Variants in GMDS observed in about 807,000 individuals in gnomAD.
GMDS encodes GDP-mannose 4,6-dehydratase, also known as GDP-mannose 4,6 dehydratase.
Under a neutral mutation model 49.9 loss-of-function variants are expected in GMDS, and 20 were observed. The ratio of observed to expected loss-of-function variants is 0.40; its 90% CI spans 0.28 to 0.58. GMDS has a LOEUF of 0.58. Among genes scored for constraint, GMDS ranks in the 20% least tolerant of loss-of-function variants. GMDS has a pLI of 0.42. For synonymous variants in GMDS, 177 were observed against 178.6 expected, an observed-to-expected ratio of 0.99 and a Z score of 0.07; for missense variants, 362 against 481.4, an observed-to-expected ratio of 0.75 and a Z score of 2.32.
In GMDS at chr6:1,849,121, G is replaced by A. The variant is rs563859680; in HGVS notation, c.771+80982C>T. On this transcript the variant is annotated intron_variant, in intron 7 of 10. Transcript: ENST00000380815. ...GAGCACTGCTGGCCTAGACCTGTAA[G>A]TATAGGTTCTAAGCAAGTTTCTTTC... Among the ~76,000 whole-genome samples the A allele has an allele frequency of 2.0e-5, 3 of 152,306 alleles. No homozygotes were observed. The East Asian group carries it at 5.8e-4, about 29-fold the overall frequency.
intron 7 of GMDS, among the ~76,000 whole-genome samples, chr6:1,814,688 A>T (rs1770582594): frequency 6.6e-6 from 1 of 152,236 alleles, no homozygotes; most frequent in Non-Finnish European, 1.5e-5. Context: ...TAACTTAAAA[A>T]TTATATTCAT....
At chr6:2,032,610 A>T (rs1696992163) in intron 4 of GMDS, among the ~76,000 whole-genome samples, 1 of 152,202 alleles carries the variant, frequency 6.6e-6, no homozygotes, top group African/African-American at 2.4e-5. Flanking sequence ...TCTTGGGTAT[A>T]TATCAGAAAA....
intron 6 of GMDS, among the ~76,000 whole-genome samples, chr6:1,939,618 C>G (rs1165388585): frequency 6.6e-6 from 1 of 150,896 alleles, no homozygotes; most frequent in African/African-American, 2.4e-5. Flanking sequence ...TACACACACA[C>G]AGAGTCCATG....
At chr6:1,701,626 C>A (rs1765547719) in intron 9 of GMDS, among the ~76,000 whole-genome samples, 1 of 152,080 alleles carries the variant, frequency 6.6e-6, no homozygotes, top group East Asian at 1.9e-4. Context: ...ATAGCGTGGT[C>A]TGTGATGACA....
intron 4 of GMDS, among the ~76,000 whole-genome samples, chr6:1,982,417 CAAACAG>C (rs1453549466): frequency 1.3e-5 from 2 of 152,168 alleles, no homozygotes; most frequent in Non-Finnish European, 2.9e-5. Context: ...ATAAGGTATT[CAAACAG>C]GAAGAGATGA....
chr6:1,843,561 A>G (rs536557677), intron 7 of GMDS, among the ~76,000 whole-genome samples: 1 of 152,110 alleles, frequency 6.6e-6, no homozygotes, highest in Non-Finnish European at 1.5e-5. Flanking sequence ...CAAGCTCATG[A>G]GTTTGAGACC....
chr6:1,930,177 C>T lies in GMDS; in HGVS notation c.697G>A (p.Gly233Arg). ...ISRSVAKIYL[G>R]QLECFSLGNL... ...CCCAAACTGAAACATTCCAGTTGTC[C>T]AAGGTAAATCTTAGCTACTGACCGG... The change falls in exon 7 of 11, where the codon GGA (glycine) becomes AGA (arginine). Residue 233 changes from glycine (G) to arginine (R), a missense_variant. By Grantham distance (125) the Gly-to-Arg change is moderately radical. Coordinates refer to ENST00000380815, the MANE Select transcript of GMDS (RefSeq NM_001500.4). 1 of 1,612,248 alleles carries T rather than the reference C, an allele frequency of 6.2e-7. No individual in the cohort carries two copies. The highest frequency in any genetic ancestry group is 1.1e-5 in the South Asian group (1 of 90,776).
At chr6:2,084,840 T>G (rs1772921097) in intron 4 of GMDS, among the ~76,000 whole-genome samples, 1 of 152,098 alleles carries the variant, frequency 6.6e-6, no homozygotes. Flanking sequence ...TTCTCAAAAG[T>G]AAAAGAGTGG....
chr6:1,645,927 C>A (rs1763469195), intron 9 of GMDS, among the ~76,000 whole-genome samples: 2 of 152,234 alleles, frequency 1.3e-5, no homozygotes. Context: ...TCGTCTGCCT[C>A]CCTAGAACAT....
chr6:1,680,500 G>A (rs1048462589), intron 9 of GMDS, among the ~76,000 whole-genome samples: 1 of 151,348 alleles, frequency 6.6e-6, no homozygotes, highest in Non-Finnish European at 1.5e-5. Flanking sequence ...GAGGGTGCAG[G>A]CCAGGTGTTA....
chr6:1,994,002 A>C (rs1480899832), intron 4 of GMDS, among the ~76,000 whole-genome samples: 4 of 152,238 alleles, frequency 2.6e-5, no homozygotes, highest in Non-Finnish European at 5.9e-5. Flanking sequence ...AAGTGAAGAC[A>C]GTAGCCTTTA....
intron 9 of GMDS, among the ~76,000 whole-genome samples, chr6:1,689,813 G>A (rs1160757866): frequency 1.3e-5 from 2 of 152,240 alleles, no homozygotes; most frequent in South Asian, 4.2e-4. Flanking sequence ...GTGAAGACGC[G>A]TGATTTCCTT....
At chr6:2,075,037 T>A (rs551396034) in intron 4 of GMDS, among the ~76,000 whole-genome samples, 6 of 152,376 alleles carry the variant, frequency 3.9e-5, no homozygotes, top group Admixed American at 3.9e-4. Flanking sequence ...ATATTTTGAT[T>A]ACTATAGTCT....
intron 4 of GMDS, among the ~76,000 whole-genome samples, chr6:2,017,300 A>T (rs1767961807): frequency 6.6e-6 from 1 of 151,388 alleles, no homozygotes; most frequent in Admixed American, 6.6e-5. Context: ...ACCACAGTTG[A>T]TTCTTTTTAT....
At chr6:2,222,708 G>T (rs900172014) in intron 1 of GMDS, among the ~76,000 whole-genome samples, 1 of 152,124 alleles carries the variant, frequency 6.6e-6, no homozygotes, top group Non-Finnish European at 1.5e-5. Flanking sequence ...GTTTCCAGGC[G>T]GTCAGTAGGC....
At chr6:1,692,963 T>C (rs190314975) in intron 9 of GMDS, among the ~76,000 whole-genome samples, 44 of 152,362 alleles carry the variant, frequency 2.9e-4, no homozygotes, top group African/African-American at 9.6e-4. Context: ...ATTTATCTTC[T>C]GGGGCAGTAG....
At position 1,716,694 on chromosome 6, in the gene GMDS, A is replaced by G. The variant is rs150401366; in HGVS notation, c.987+9722T>C. Among the ~76,000 whole-genome samples the G allele has an allele frequency of 3.7e-3, 554 of 150,942 alleles. 5 individuals are homozygous for G. Among genetic ancestry groups the G allele is most frequent in the African/African-American group, 0.012 (507 of 41,434 alleles). The stretch of plus-strand genomic sequence containing the variant: ...GGGCCACCCACCCACTCCACCTGAC[A>G]GAGTCCCTGCCTATGTCTCTGTTCA... On this transcript the variant is annotated intron_variant, in intron 9 of 10. Coordinates refer to ENST00000380815, the MANE Select transcript of GMDS (RefSeq NM_001500.4).
intron 1 of GMDS, among the ~76,000 whole-genome samples, chr6:2,172,108 A>G (rs1778039302): frequency 6.6e-6 from 1 of 152,182 alleles, no homozygotes; most frequent in African/African-American, 2.4e-5. Context: ...TAAAACAAAA[A>G]ATAAGAAGGC....
intron 7 of GMDS, among the ~76,000 whole-genome samples, chr6:1,855,362 T>C (rs1238603440): frequency 6.6e-6 from 1 of 152,220 alleles, no homozygotes; most frequent in Non-Finnish European, 1.5e-5. Context: ...TTTTCTTTCT[T>C]ATTTCTACCA....
Sources: gnomAD v4.1 joint callset for allele counts (sites outside exome capture counted in the v4.1 genomes callset) on GRCh38, gnomAD v4.1.1 for gene constraint, MANE v1.5 for transcripts, NCBI Gene and HGNC (gene_info 2026-07-23, HGNC 2026-07-21) for gene names.